Variants in DENND4A observed in about 807,000 individuals in gnomAD.
The protein encoded by DENND4A is C-myc promoter-binding protein.
DENND4A carries 70 observed loss-of-function variants against 199.3 expected under a neutral mutation model. The ratio of observed to expected loss-of-function variants is 0.35; its 90% confidence interval spans 0.29 to 0.43. The LOEUF (loss-of-function observed/expected upper bound fraction) is 0.43, where lower values mean the gene tolerates loss of function less well. Ranked by LOEUF, DENND4A falls within the 20% of genes least tolerant of loss-of-function variation. DENND4A has a pLI of 1.00. For synonymous variants in DENND4A, 686 were observed against 766.9 expected, an observed-to-expected ratio of 0.89 and a Z score of 1.74; for missense variants, 1,723 against 2,255.8, an observed-to-expected ratio of 0.76 and a Z score of 4.78.
At chr15:65,668,226 T>C (rs964506273) in intron 27 of DENND4A, 103 bp from the exon 28 acceptor site, 2 of 830,256 alleles carry the variant, frequency 2.4e-6, no homozygotes, top group Middle Eastern at 3.7e-4. Context: ...TTTTTTTTTT[T>C]AAGACAGAGT....
intron 7 of DENND4A, among the ~76,000 whole-genome samples, chr15:65,734,207 A>G (rs984506485): frequency 6.6e-6 from 1 of 152,252 alleles, no homozygotes; most frequent in East Asian, 1.9e-4. Context: ...TGTACGTTCC[A>G]TCTACTGAGA....
rs1022294511 is a variant in DENND4A at position 65,682,528 on chromosome 15, T to C, written c.4180-5894A>G. On this transcript the variant is annotated intron_variant, in intron 23 of 32. Transcript: ENST00000443035. ...TAGCTTAAGGGAATATTGTGGCTGATGTGATCTATCCAGACCACTCAAACT... is the reference window on the plus strand; with the variant it reads ...TAGCTTAAGGGAATATTGTGGCTGACGTGATCTATCCAGACCACTCAAACT... 7.2e-5 allele frequency among the ~76,000 whole-genome samples: 11 copies of C among 152,234 alleles called. 1 individual carries two copies. Among genetic ancestry groups the C allele is most frequent in the African/African-American group, 2.7e-4 (11 of 41,466 alleles).
intron 11 of DENND4A, chr15:65,728,827 T>C: frequency 2.1e-6 from 1 of 471,548 alleles, no homozygotes; most frequent in Non-Finnish European, 3.8e-6. Context: ...AACATTAAAA[T>C]GTTTCTTAAA....
At chr15:65,698,910 G>T (rs1009936281) in intron 20 of DENND4A, among the ~76,000 whole-genome samples, 3 of 151,588 alleles carry the variant, frequency 2.0e-5, no homozygotes, top group African/African-American at 7.3e-5. Flanking sequence ...GCTAATTTTT[G>T]CATTTTTAGT....
At chr15:65,674,250 G>A (rs2076302686) in intron 24 of DENND4A, among the ~76,000 whole-genome samples, 1 of 151,988 alleles carries the variant, frequency 6.6e-6, no homozygotes, top group Non-Finnish European at 1.5e-5. Flanking sequence ...TATGATTTAT[G>A]TTTTCAAAAA....
chr15:65,707,145 A>T (rs891906143), intron 14 of DENND4A, among the ~76,000 whole-genome samples: 3 of 152,158 alleles, frequency 2.0e-5, no homozygotes, highest in Admixed American at 1.3e-4. Flanking sequence ...TCAATATCGA[A>T]AGCACTTTGG....
intron 15 of DENND4A, among the ~76,000 whole-genome samples, chr15:65,704,489 C>T (rs562301142): frequency 3.3e-5 from 5 of 152,328 alleles, no homozygotes; most frequent in Non-Finnish European, 7.4e-5. Context: ...CCTTCCACCT[C>T]AGCCTCCTGA....
rs147051968 is a variant in DENND4A at position 65,711,546 on chromosome 15, A to G, written c.1953+3932T>C. ...CCAGGTTTTCAAAGCTTTATAGACC[A>G]GAACTCAACATACAAAATGCAGGGT... On this transcript the variant is annotated intron_variant, in intron 14 of 32. Transcript: ENST00000443035. 1.3e-3 allele frequency among the ~76,000 whole-genome samples: 194 copies of G among 152,312 alleles called. 2 individuals are homozygous for G. The East Asian group carries it at 0.014, about 11-fold the overall frequency.
intron 2 of DENND4A, among the ~76,000 whole-genome samples, chr15:65,760,431 G>C (rs181165552): frequency 5.3e-4 from 81 of 152,320 alleles, no homozygotes; most frequent in South Asian, 1.2e-3. Flanking sequence ...CTGGGAGGCG[G>C]AGGTTGCAGT....
chr15:65,764,949 G>T (rs778174581), intron 1 of DENND4A, among the ~76,000 whole-genome samples: 129 of 145,106 alleles, frequency 8.9e-4, no homozygotes, highest in Non-Finnish European at 1.5e-3. Flanking sequence ...TCCAGCCTGG[G>T]TGACAGAGCG....
At chr15:65,750,249 G>C (rs903530477) in intron 4 of DENND4A, among the ~76,000 whole-genome samples, 11 of 152,098 alleles carry the variant, frequency 7.2e-5, no homozygotes, top group Non-Finnish European at 1.6e-4. Context: ...ACTAAATACT[G>C]CATTTTCTCG....
intron 1 of DENND4A, chr15:65,772,139 C>G (rs926246247): frequency 1.3e-6 from 1 of 760,820 alleles, no homozygotes; most frequent in African/African-American, 1.8e-5. Flanking sequence ...TGTTCCCCTC[C>G]ATAGCTTGCT....
intron 9 of DENND4A, 42 bp downstream of exon 9, chr15:65,731,600 C>A (rs1008914105): frequency 7.2e-7 from 1 of 1,382,760 alleles, no homozygotes. Context: ...GAATGTTATG[C>A]TAGATTGAGA....
chr15:65,680,147 C>G (rs935426983), intron 23 of DENND4A, among the ~76,000 whole-genome samples: 1 of 152,138 alleles, frequency 6.6e-6, no homozygotes, highest in Admixed American at 6.6e-5. Flanking sequence ...AATTACCTGG[C>G]TGTGTAATTT....
In DENND4A at chr15:65,676,534, G is replaced by C; in HGVS notation, c.4280C>G (p.Pro1427Arg). The change falls in exon 24 of 33, where the codon CCT becomes CGT. Residue 1427 changes from proline (P) to arginine (R), a missense_variant. Physicochemically the swap from Pro to Arg is moderately radical, Grantham distance 103. Around this residue, in one of 6 missense-constraint regions of DENND4A, gnomAD observed 650 missense variants for 738.1 expected, o/e 0.88. Transcript: ENST00000443035. Reference sequence around the variant, plus strand: ...AGCACTGGTCTCTTGAGAGGAGATAGGTCCTTCCAACTCATGGCAGACATC... The same window carrying C: ...AGCACTGGTCTCTTGAGAGGAGATACGTCCTTCCAACTCATGGCAGACATC... ...DEDVCHELEG[P>R]ISSQETSATS... 1 of 1,613,642 alleles carries C rather than the reference G, an allele frequency of 6.2e-7. No individual in the cohort carries two copies. The highest frequency in any genetic ancestry group is 8.5e-7 in the Non-Finnish European group (1 of 1,179,734).
At chr15:65,789,180 G>GT (rs1211625062) in intron 1 of DENND4A, among the ~76,000 whole-genome samples, 2 of 151,930 alleles carry the variant, frequency 1.3e-5, no homozygotes. Flanking sequence ...AAAATGCTAA[G>GT]TTTTAAAAAA....
chr15:65,702,280 A>G (rs765858039), intron 17 of DENND4A, 25 bp downstream of exon 17: 2 of 1,535,910 alleles, frequency 1.3e-6, no homozygotes, highest in Non-Finnish European at 8.8e-7. Flanking sequence ...AAAAAATAAA[A>G]TAACAACAAT....
rs747104513 is a variant in DENND4A, at chr15:65,701,231, T to G, written c.2560-39A>C. 8 of 1,443,368 alleles carry G rather than the reference T, an allele frequency of 5.5e-6. No individual in the cohort carries two copies. In the South Asian group the frequency reaches 9.6e-5, roughly 17 times the overall value. The allele number at this position is 1,443,368 out of a possible 1,614,324, so 89.4% of individuals were successfully genotyped here. A position where few individuals can be genotyped will look rare whatever the true frequency, so the allele number is the denominator to read the frequency against. On this transcript the variant is annotated intron_variant, in intron 18 of 32. Transcript: ENST00000443035. ...AAAATAAAATAATTAGTAAAATAAT[T>G]TTTATAAGTGAACATATATTGGTTT...
intron 4 of DENND4A, among the ~76,000 whole-genome samples, chr15:65,751,341 T>G (rs954632547): frequency 7.9e-5 from 12 of 152,214 alleles, no homozygotes; most frequent in African/African-American, 2.7e-4. Flanking sequence ...TTCCATTTGC[T>G]AGATAAGGAA....
Sources: gnomAD v4.1 joint callset for allele counts (sites outside exome capture counted in the v4.1 genomes callset) on GRCh38, gnomAD v4.1.1 for gene constraint, gnomAD v4.1.1 regional missense constraint, MANE v1.5 for transcripts, NCBI Gene and HGNC (gene_info 2026-07-23, HGNC 2026-07-21) for gene names.